CSGALNACT1: variants seen among roughly 807,000 people sequenced by gnomAD.
CSGALNACT1 encodes the protein chondroitin sulfate N-acetylgalactosaminyltransferase 1.
Under a neutral mutation model 51.0 loss-of-function variants are expected in CSGALNACT1, and 52 were observed. The ratio of observed to expected loss-of-function variants is 1.02; its 90% CI spans 0.82 to 1.29. CSGALNACT1 has a LOEUF of 1.29. CSGALNACT1 is among the 50% of genes most tolerant of loss of function. The probability of loss-of-function intolerance (pLI) is 0.00; values close to 1 mark genes in which losing one functional copy is unlikely to be tolerated. For synonymous variants in CSGALNACT1, 341 were observed against 254.4 expected, an observed-to-expected ratio of 1.34 and a Z score of -3.24; for missense variants, 935 against 679.2, an observed-to-expected ratio of 1.38 and a Z score of -4.19.
chr8:19,432,430 T>C (rs1169395363), intron 6 of CSGALNACT1, among the ~76,000 whole-genome samples: 2 of 152,196 alleles, frequency 1.3e-5, no homozygotes, highest in Non-Finnish European at 2.9e-5. Flanking sequence ...ATTTATTCTA[T>C]TTGGAGTTAA....
intron 1 of CSGALNACT1, chr8:19,641,950 A>G (rs2056787658): frequency 1.3e-5 from 2 of 152,172 alleles, no homozygotes; most frequent in African/African-American, 4.8e-5. Context: ...ACAACCCTTT[A>G]TAGGTGTAAA....
intron 3 of CSGALNACT1, among the ~76,000 whole-genome samples, chr8:19,564,152 AC>A (rs1482323819): frequency 2.2e-4 from 33 of 152,152 alleles, no homozygotes; most frequent in African/African-American, 7.7e-4. Flanking sequence ...CATTTCGCAA[AC>A]TTTTAAAAGA....
chr8:19,556,177 C>T (rs1402011248), intron 3 of CSGALNACT1, among the ~76,000 whole-genome samples: 2 of 151,916 alleles, frequency 1.3e-5, no homozygotes, highest in African/African-American at 2.4e-5. Flanking sequence ...CAGGAAAAGA[C>T]CAACATGACC....
At chr8:19,660,466 T>C (rs1276696611) in intron 1 of CSGALNACT1, among the ~76,000 whole-genome samples, 1 of 152,214 alleles carries the variant, frequency 6.6e-6, no homozygotes, top group Non-Finnish European at 1.5e-5. Flanking sequence ...TGTAACACTA[T>C]GGTGCCACAG....
rs369179901 is a variant in CSGALNACT1, at chr8:19,599,098, G to C, written c.-416+2673C>G. 4.6e-5 allele frequency among the ~76,000 whole-genome samples: 7 copies of C among 152,078 alleles called. No individual in the cohort carries two copies. The East Asian group carries it at 1.4e-3, about 29-fold the overall frequency. ...GTGAGCAGAAGGGCCAGAGGTGGGA[G>C]ACAGGAACAGGTGGAGACAAAAGCA... On this transcript the variant is annotated intron_variant, in intron 2 of 9. Transcript: ENST00000454498.
At chr8:19,597,854 G>A (rs2049298777) in intron 2 of CSGALNACT1, among the ~76,000 whole-genome samples, 1 of 152,218 alleles carries the variant, frequency 6.6e-6, no homozygotes, top group South Asian at 2.1e-4. Flanking sequence ...AAAATGCAGA[G>A]ACCATGCCTA....
At chr8:19,698,901 C>T (rs1281557571) in intron 1 of CSGALNACT1, among the ~76,000 whole-genome samples, 3 of 152,222 alleles carry the variant, frequency 2.0e-5, no homozygotes, top group African/African-American at 7.2e-5. Context: ...GCACAAGTCT[C>T]TTCCATAAAA....
chr8:19,439,543 A>G (rs2060958106), intron 6 of CSGALNACT1, among the ~76,000 whole-genome samples: 1 of 152,208 alleles, frequency 6.6e-6, no homozygotes, highest in Admixed American at 6.5e-5. Context: ...GATGACACCC[A>G]GTTATATGGA....
chr8:19,423,845 TGAA>T (rs1563321797), intron 6 of CSGALNACT1, among the ~76,000 whole-genome samples: 1 of 152,220 alleles, frequency 6.6e-6, no homozygotes, highest in Non-Finnish European at 1.5e-5. Context: ...CTACCCAATC[TGAA>T]TATGCATTTT....
At chr8:19,617,289 G>A (rs903219841) in intron 1 of CSGALNACT1, among the ~76,000 whole-genome samples, 2 of 152,194 alleles carry the variant, frequency 1.3e-5, no homozygotes, top group Admixed American at 6.5e-5. Flanking sequence ...TCACTCGCCT[G>A]CCGTTCACCT....
intron 3 of CSGALNACT1, among the ~76,000 whole-genome samples, chr8:19,569,393 G>C (rs1218825267): frequency 6.6e-6 from 1 of 152,146 alleles, no homozygotes; most frequent in Non-Finnish European, 1.5e-5. Flanking sequence ...CATCAAAGCA[G>C]GAGTGATGCT....
At chr8:19,466,337 A>G (rs1237474505) in intron 4 of CSGALNACT1, among the ~76,000 whole-genome samples, 1 of 152,190 alleles carries the variant, frequency 6.6e-6, no homozygotes, top group Non-Finnish European at 1.5e-5. Flanking sequence ...AAGGCTGAGA[A>G]GCGATGATCA....
chr8:19,658,750 C>A (rs57802526), intron 1 of CSGALNACT1, among the ~76,000 whole-genome samples: 39,758 of 151,804 alleles, frequency 0.26, 5,718 homozygotes, highest in East Asian at 0.57. Context: ...ACAACAACAA[C>A]AAAAAACACC....
At chr8:19,659,452 C>G (rs970658614) in intron 1 of CSGALNACT1, among the ~76,000 whole-genome samples, 6 of 152,182 alleles carry the variant, frequency 3.9e-5, no homozygotes, top group Middle Eastern at 3.2e-3. Flanking sequence ...TCTCCAAAGG[C>G]TTTTGTGACA....
chr8:19,701,860 A>G (rs1357171006), intron 1 of CSGALNACT1, among the ~76,000 whole-genome samples: 1 of 152,190 alleles, frequency 6.6e-6, no homozygotes, highest in Non-Finnish European at 1.5e-5. Context: ...AGATGATAAT[A>G]TCAAGTAGAA....
At chr8:19,603,573 T>C (rs910862222), upstream of CSGALNACT1, among the ~76,000 whole-genome samples, 5 of 152,346 alleles carry the variant, frequency 3.3e-5, no homozygotes, top group South Asian at 1.0e-3. Flanking sequence ...TGAGTTGTTT[T>C]CTGTCCCCGA....
chr8:19,490,358 T>C (rs2074085207), intron 4 of CSGALNACT1, among the ~76,000 whole-genome samples: 1 of 152,124 alleles, frequency 6.6e-6, no homozygotes, highest in Non-Finnish European at 1.5e-5. Context: ...CAAAAGGCAC[T>C]TTTGACAGTA....
chr8:19,690,728 G>C (rs950531716), intron 1 of CSGALNACT1, among the ~76,000 whole-genome samples: 1 of 152,184 alleles, frequency 6.6e-6, no homozygotes, highest in African/African-American at 2.4e-5. Flanking sequence ...TTGAAACTCC[G>C]CATGGAAGGA....
At chr8:19,663,238 T>C (rs1465418722) in intron 1 of CSGALNACT1, among the ~76,000 whole-genome samples, 1 of 152,166 alleles carries the variant, frequency 6.6e-6, no homozygotes, top group Admixed American at 6.5e-5. Context: ...GATTTTTCCA[T>C]CTTCCATGAC....
Sources: gnomAD v4.1 joint callset for allele counts (sites outside exome capture counted in the v4.1 genomes callset) on GRCh38, gnomAD v4.1.1 for gene constraint, MANE v1.5 for transcripts, NCBI Gene and HGNC (gene_info 2026-07-23, HGNC 2026-07-21) for gene names.